The following JRK variants were observed in gnomAD, a reference collection of about 807,000 sequenced individuals.
JRK encodes the protein Jrk helix-turn-helix protein.
For missense variants in JRK, 720 were observed against 509.2 expected, an observed-to-expected ratio of 1.41 and a Z score of -3.98; for synonymous variants, 303 against 218.1, an observed-to-expected ratio of 1.39 and a Z score of -3.43.
Position 142,659,082 on chromosome 8 carries a change from C to G in JRK, c.*5270G>C. On this transcript the variant is annotated 3_prime_UTR_variant, in exon 2 of 2. Coordinates refer to ENST00000612905, the MANE Select transcript of JRK (RefSeq NM_003724.4). ...GTGTATTTTTTCTCTTCAGAACTGA[C>G]AGCCCATCAAGGTACAATGAAATAG... 7.1e-7 allele frequency: 1 copy of G among 1,412,316 alleles called. No homozygotes were observed. The highest frequency in any genetic ancestry group is 9.2e-7 in the Non-Finnish European group (1 of 1,081,706). 87.5% of individuals were successfully genotyped at this position (1,412,316 alleles called of 1,614,324 possible).
At chr8:142,669,780 G>C (rs1288070486) in intron 1 of JRK, among the ~76,000 whole-genome samples, 152 bp downstream of exon 1, 6 of 148,518 alleles carry the variant, frequency 4.0e-5, no homozygotes, top group African/African-American at 1.5e-4. Flanking sequence ...CGGCCCCGCA[G>C]CCTCGCGACC....
At position 142,664,582 on chromosome 8, in the gene JRK, C is replaced by T. The variant is rs1847027958; in HGVS notation, c.1477G>A (p.Ala493Thr). 2 of 1,608,576 alleles carry T rather than the reference C, an allele frequency of 1.2e-6. No individual in the cohort carries two copies. The highest frequency in any genetic ancestry group is 1.7e-6 in the Non-Finnish European group (2 of 1,178,610). The stretch of plus-strand genomic sequence containing the variant: ...GCAAAGCGCAGGACTGCGTCAAAGG[C>T]CACGGCCGCCTGCTCCCAGGCCACC... ...EEVAWEQAAV[A>T]FDAVLRFAER... Residue 493 changes from alanine to threonine, a missense_variant, in exon 2 of 2, where the codon GCC (alanine) becomes ACC (threonine). Coordinates refer to ENST00000612905, the MANE Select transcript of JRK (RefSeq NM_003724.4).
In JRK at chr8:142,665,312, G is replaced by C. The variant is rs1563795868; in HGVS notation, c.747C>G (p.His249Gln). The change falls in exon 2 of 2, where the codon CAC becomes CAG. Residue 249 changes from histidine (H) to glutamine (Q), a missense_variant. His to Gln is a conservative substitution (Grantham distance 24, BLOSUM62 0). Transcript: ENST00000612905. The part of the protein sequence containing the change: ...SGPRAFKGIQ[H>Q]LPVAYKAQGN... Reference sequence around the variant, plus strand: ...CCTGGGCCTTATAGGCGACGGGCAGGTGCTGGATGCCTTTGAAAGCCCTGG... The same window carrying C: ...CCTGGGCCTTATAGGCGACGGGCAGCTGCTGGATGCCTTTGAAAGCCCTGG... The C allele has an allele frequency of 1.4e-6, 1 of 717,776 alleles. No individual in the cohort carries two copies. Among genetic ancestry groups the C allele is most frequent in the East Asian group, 2.7e-5 (1 of 37,276 alleles). 44.5% of individuals were successfully genotyped at this position (717,776 alleles called of 1,614,324 possible).
Position 142,664,079 on chromosome 8 carries a change from C to A in JRK, c.*273G>T. On this transcript the variant is annotated 3_prime_UTR_variant, in exon 2 of 2. Transcript: ENST00000612905. ...CCCCCATTCCAGCCAGGGTGCGGCT[C>A]TGGCTTGTTCTAGGCTAGGGTGGAC... The A allele has an allele frequency of 8.0e-7, 1 of 1,243,556 alleles. No individual in the cohort carries two copies. Among genetic ancestry groups the A allele is most frequent in the African/African-American group, 1.5e-5 (1 of 65,158 alleles). The allele number at this position is 1,243,556 out of a possible 1,614,324, so 77.0% of individuals were successfully genotyped here. A position where few individuals can be genotyped will look rare whatever the true frequency, so the allele number is the denominator to read the frequency against.
chr8:142,660,404 T>C lies in JRK; in HGVS notation c.*3948A>G. On this transcript the variant is annotated 3_prime_UTR_variant, in exon 2 of 2. Transcript: ENST00000612905. The stretch of plus-strand genomic sequence containing the variant: ...CCACACCTGACCCCAAAGCACATTT[T>C]GTTATTTTTTGTTTTTAGAGATTAG... The C allele has an allele frequency of 2.0e-6, 2 of 985,548 alleles. No individual in the cohort carries two copies. The highest frequency in any genetic ancestry group is 1.2e-6 in the Non-Finnish European group (1 of 830,054). The allele number at this position is 985,548 out of a possible 1,614,324, so 61.1% of individuals were successfully genotyped here.
rs999592890 is a variant in JRK at position 142,663,470 on chromosome 8, A to C, written c.*882T>G. On this transcript the variant is annotated 3_prime_UTR_variant, in exon 2 of 2. Transcript: ENST00000612905. ...TCAGTGACTTACGTGCAAACCTAAG[A>C]CTAATCTCTGAATGTCTGATCAAGA... 4 of 985,340 alleles carry C rather than the reference A, an allele frequency of 4.1e-6. No homozygotes were observed. The African/African-American group carries it at 7.0e-5, about 17-fold the overall frequency. The allele number at this position is 985,340 out of a possible 1,614,324, so 61.0% of individuals were successfully genotyped here.
chr8:142,658,812 G>T lies in JRK; in HGVS notation c.*5540C>A. On this transcript the variant is annotated 3_prime_UTR_variant, in exon 2 of 2. Coordinates refer to ENST00000612905, the MANE Select transcript of JRK (RefSeq NM_003724.4). ...CCTCAAGGGCACTGGTGGGGACAGA[G>T]GGGTCTTACCCAGCACTGCCATGTG... 1 of 1,592,434 alleles carries T rather than the reference G, an allele frequency of 6.3e-7. No individual in the cohort carries two copies. The highest frequency in any genetic ancestry group is 2.3e-5 in the East Asian group (1 of 44,052).
downstream of JRK, among the ~76,000 whole-genome samples, chr8:142,655,562 G>C (rs1554633536): frequency 6.6e-6 from 1 of 151,904 alleles, no homozygotes; most frequent in African/African-American, 2.4e-5. Flanking sequence ...GCAGGGGAAG[G>C]GATGCAGTGA....
At chr8:142,656,095 G>C (rs369667366), downstream of JRK, among the ~76,000 whole-genome samples, 1 of 152,294 alleles carries the variant, frequency 6.6e-6, no homozygotes, top group East Asian at 1.9e-4. Flanking sequence ...TACATAGGTA[G>C]TTTCTATTAC....
In JRK at chr8:142,661,381, G is replaced by A; in HGVS notation, c.*2971C>T. 1 of 985,484 alleles carries A rather than the reference G, an allele frequency of 1.0e-6. No homozygotes were observed. Among genetic ancestry groups the A allele is most frequent in the African/African-American group, 1.7e-5 (1 of 57,370 alleles). 61.0% of individuals were successfully genotyped at this position (985,484 alleles called of 1,614,324 possible). On this transcript the variant is annotated 3_prime_UTR_variant, in exon 2 of 2. Coordinates refer to ENST00000612905, the MANE Select transcript of JRK (RefSeq NM_003724.4). ...GAGGGATGGGAGCTCCCAGAGTGGA[G>A]GCTGCCTGTCCCGAGTGAGGACACA...
At chr8:142,668,526 A>G (rs1270592734) in intron 1 of JRK, among the ~76,000 whole-genome samples, 1 of 152,030 alleles carries the variant, frequency 6.6e-6, no homozygotes, top group South Asian at 2.1e-4. Flanking sequence ...CAGATTTTTA[A>G]TATGAACCCG....
In JRK at chr8:142,661,382, G is replaced by A; in HGVS notation, c.*2970C>T. On this transcript the variant is annotated 3_prime_UTR_variant, in exon 2 of 2. Coordinates refer to ENST00000612905, the MANE Select transcript of JRK (RefSeq NM_003724.4). ...AGGGATGGGAGCTCCCAGAGTGGAG[G>A]CTGCCTGTCCCGAGTGAGGACACAG... The A allele has an allele frequency of 1.0e-6, 1 of 985,500 alleles. No individual in the cohort carries two copies. Among genetic ancestry groups the A allele is most frequent in the Non-Finnish European group, 1.2e-6 (1 of 829,968 alleles). 61.0% of individuals were successfully genotyped at this position (985,500 alleles called of 1,614,324 possible).
At chr8:142,650,685 A>G in the JRK span, among the ~76,000 whole-genome samples, 1 of 152,202 alleles carries the variant, frequency 6.6e-6, no homozygotes, top group African/African-American at 2.4e-5. Context: ...CAGCGATGCC[A>G]AACTGTAAGT....
rs782210480 is a variant in JRK, at chr8:142,662,759, C to T, written c.*1593G>A. 32 of 985,348 alleles carry T rather than the reference C, an allele frequency of 3.2e-5. No individual in the cohort carries two copies. Among genetic ancestry groups the T allele is most frequent in the Non-Finnish European group, 3.9e-5 (32 of 829,954 alleles). The allele number at this position is 985,348 out of a possible 1,614,324, so 61.0% of individuals were successfully genotyped here. ...ATGAGAACAGAGGTTTCAGTGGAAT[C>T]AACAGCAGACGCTGGAATGCAAACT... On this transcript the variant is annotated 3_prime_UTR_variant, in exon 2 of 2. Coordinates refer to ENST00000612905, the MANE Select transcript of JRK (RefSeq NM_003724.4).
rs1250306683 is a variant in JRK, at chr8:142,657,837, G to C, written c.*6515C>G. On this transcript the variant is annotated 3_prime_UTR_variant, in exon 2 of 2. Coordinates refer to ENST00000612905, the MANE Select transcript of JRK (RefSeq NM_003724.4). ...ACATCCAAACTGTATCATGGCAGAA[G>C]GAGCCTGGCTCTGCCAGACAGTTGA... is the stretch of plus-strand genomic sequence containing the variant. 2 of 152,284 alleles carry C rather than the reference G, an allele frequency of 1.3e-5. No homozygotes were observed. The highest frequency in any genetic ancestry group is 1.3e-4 in the Admixed American group (2 of 15,290). 9.4% of individuals were successfully genotyped at this position (152,284 alleles called of 1,614,324 possible). A position where few individuals can be genotyped will look rare whatever the true frequency, so the allele number is the denominator to read the frequency against.
chr8:142,660,640 G>A lies in JRK; in HGVS notation c.*3712C>T, dbSNP rs1487833905. 3 of 939,358 alleles carry A rather than the reference G, an allele frequency of 3.2e-6. No homozygotes were observed. The highest frequency in any genetic ancestry group is 3.8e-6 in the Non-Finnish European group (3 of 789,074). The allele number at this position is 939,358 out of a possible 1,614,324, so 58.2% of individuals were successfully genotyped here. A position where few individuals can be genotyped will look rare whatever the true frequency, so the allele number is the denominator to read the frequency against. On this transcript the variant is annotated 3_prime_UTR_variant, in exon 2 of 2. Transcript: ENST00000612905. The stretch of plus-strand genomic sequence containing the variant: ...TGGTTTCAAACTCCTGAACTAAAGT[G>A]ATCCTCCTGCCGTGGCCTTCCAGAG...
the JRK span, among the ~76,000 whole-genome samples, chr8:142,648,995 G>T: frequency 6.6e-6 from 1 of 152,212 alleles, no homozygotes; most frequent in Non-Finnish European, 1.5e-5. Context: ...GGAGCTTTAA[G>T]ATTTGACCAC....
Position 142,661,279 on chromosome 8 carries a change from G to A in JRK, c.*3073C>T. On this transcript the variant is annotated 3_prime_UTR_variant, in exon 2 of 2. Transcript: ENST00000612905. Reference sequence around the variant, plus strand: ...GTAAACCAACCCCAACGTAGAAGGGGCTGAAAGACCACCTACCCATCCTAA... The same window carrying A: ...GTAAACCAACCCCAACGTAGAAGGGACTGAAAGACCACCTACCCATCCTAA... 1.0e-6 allele frequency: 1 copy of A among 985,480 alleles called. No homozygotes were observed. The highest frequency in any genetic ancestry group is 1.2e-6 in the Non-Finnish European group (1 of 829,988). 61.0% of individuals were successfully genotyped at this position (985,480 alleles called of 1,614,324 possible).
At chr8:142,646,656 A>C in the JRK span, among the ~76,000 whole-genome samples, 2 of 152,216 alleles carry the variant, frequency 1.3e-5, no homozygotes, top group African/African-American at 4.8e-5. Context: ...TTTTAAAGCT[A>C]GCTTATTTAT....
Sources: allele counts gnomAD v4.1 joint callset (sites outside exome capture counted in the v4.1 genomes callset), GRCh38; gene constraint gnomAD v4.1.1; transcripts MANE v1.5; gene names NCBI Gene and HGNC (gene_info 2026-07-23, HGNC 2026-07-21).